The following AGT variants were observed in gnomAD, a reference collection of about 807,000 sequenced individuals.
AGT encodes angiotensinogen, also known as alpha-1 antiproteinase, antitrypsin.
Under a neutral mutation model 28.1 loss-of-function variants are expected in AGT, and 26 were observed. The ratio of observed to expected loss-of-function variants is 0.92; its 90% CI spans 0.68 to 1.28. The LOEUF (loss-of-function observed/expected upper bound fraction) is 1.28. AGT is among the 50% of genes most tolerant of loss of function. The pLI is 0.00. For missense variants in AGT, 596 were observed against 592.3 expected (o/e 1.01, Z -0.06); for synonymous variants, 259 against 259.6 (o/e 1.00, Z 0.02).
At chr1:230,713,212 C>T (rs1329209334) in intron 1 of AGT, among the ~76,000 whole-genome samples, 1 of 152,106 alleles carries the variant, frequency 6.6e-6, no homozygotes, top group Non-Finnish European at 1.5e-5. Flanking sequence ...GAATGTGAGC[C>T]CCGGAACAGG....
intron 1 of AGT, among the ~76,000 whole-genome samples, chr1:230,720,768 CCCATTCTGAGT>C (rs1291312613): frequency 6.6e-6 from 1 of 152,046 alleles, no homozygotes; most frequent in Non-Finnish European, 1.5e-5. Flanking sequence ...ACACATACTC[CCCATTCTGAGT>C]CCATAAAAAG....
intron 1 of AGT, among the ~76,000 whole-genome samples, chr1:230,734,855 G>A (rs1027725846): frequency 1.8e-4 from 28 of 152,014 alleles, no homozygotes; most frequent in East Asian, 1.2e-3. Flanking sequence ...GACTACAGGC[G>A]CCTGCCACCA....
chr1:230,716,361 T>C (rs556770919), upstream of AGT, among the ~76,000 whole-genome samples: 1 of 152,218 alleles, frequency 6.6e-6, no homozygotes, highest in Non-Finnish European at 1.5e-5. Flanking sequence ...TATGTGTACA[T>C]TCCATCAGTG....
upstream of AGT, among the ~76,000 whole-genome samples, chr1:230,717,315 G>T (rs1199846420): frequency 6.6e-6 from 1 of 151,972 alleles, no homozygotes; most frequent in Non-Finnish European, 1.5e-5. Flanking sequence ...TCTGAGATGA[G>T]ACTTGGTCTA....
At position 230,705,937 on chromosome 1, in the gene AGT, G is replaced by T. The variant is rs777921457; in HGVS notation, c.1093C>A (p.Pro365Thr). The part of the protein sequence containing the change: ...NSLNWMKKLS[P>T]RTIHLTMPQL... ...GGGAGACCGGGAGGCTCCTACCGGG[G>T]AGATAGTTTCTTCATCCAGTTGAGG... The change falls in exon 3 of 5, where the codon CCC (proline) becomes ACC (threonine). Residue 365 changes from proline (P) to threonine (T), a missense_variant. Coordinates refer to ENST00000366667, the MANE Select transcript of AGT (RefSeq NM_001384479.1). 1.2e-6 allele frequency: 2 copies of T among 1,613,978 alleles called. No homozygotes were observed. Among genetic ancestry groups the T allele is most frequent in the East Asian group, 4.5e-5 (2 of 44,884 alleles).
intron 1 of AGT, among the ~76,000 whole-genome samples, chr1:230,736,147 T>A (rs73102670): frequency 0.07 from 10,684 of 151,736 alleles, 544 homozygotes; most frequent in East Asian, 0.14. Flanking sequence ...TGAAACACAT[T>A]TATGTTTAAG....
intron 1 of AGT, among the ~76,000 whole-genome samples, chr1:230,726,327 T>C (rs1200288988): frequency 6.6e-6 from 1 of 152,142 alleles, no homozygotes; most frequent in African/African-American, 2.4e-5. Flanking sequence ...CTCAGTTAGT[T>C]AGGGAGCCAA....
intron 1 of AGT, among the ~76,000 whole-genome samples, chr1:230,734,186 A>G (rs1171097683): frequency 6.6e-6 from 1 of 152,218 alleles, no homozygotes; most frequent in African/African-American, 2.4e-5. Context: ...TGACATATCC[A>G]TACGATGGAA....
intron 1 of AGT, among the ~76,000 whole-genome samples, chr1:230,737,191 C>T (rs890897940): frequency 6.6e-6 from 1 of 152,156 alleles, no homozygotes; most frequent in Non-Finnish European, 1.5e-5. Flanking sequence ...TACCTCTCTG[C>T]CTAGTTTATA....
At chr1:230,734,177 G>C (rs1427801250) in intron 1 of AGT, among the ~76,000 whole-genome samples, 4 of 152,132 alleles carry the variant, frequency 2.6e-5, no homozygotes, top group Non-Finnish European at 4.4e-5. Flanking sequence ...GACAAAATAT[G>C]ACATATCCAT....
chr1:230,742,390 A>G (rs1367394248), intron 1 of AGT, among the ~76,000 whole-genome samples: 1 of 152,176 alleles, frequency 6.6e-6, no homozygotes, highest in Non-Finnish European at 1.5e-5. Flanking sequence ...ATCTCGGCTC[A>G]CTGCAACCTC....
intron 1 of AGT, among the ~76,000 whole-genome samples, chr1:230,723,426 T>G (rs1663883051): frequency 2.0e-5 from 3 of 152,366 alleles, no homozygotes; most frequent in Middle Eastern, 3.4e-3. Flanking sequence ...AATTCAATTC[T>G]ATTAAGCACA....
chr1:230,718,234 C>T (rs1351537309), upstream of AGT, among the ~76,000 whole-genome samples: 1 of 152,132 alleles, frequency 6.6e-6, no homozygotes, highest in African/African-American at 2.4e-5. Context: ...CATAAGCCAC[C>T]ATTCTCAGCC....
At position 230,710,203 on chromosome 1, in the gene AGT, G is replaced by A; in HGVS notation, c.621C>T (p.Gly207=). The part of the protein sequence containing the change: ...STVVGVFTAP[G]LHLKQPFVQG... ...GCACAAACGGCTGCTTCAGGTGCAG[G>A]CCTGGGGCTGTGAACACGCCCACCA... The change falls in exon 2 of 5, where the codon GGC becomes GGT. Residue 207 remains glycine, a synonymous_variant. Transcript: ENST00000366667. 3 of 1,613,734 alleles carry A rather than the reference G, an allele frequency of 1.9e-6. No homozygotes were observed. Among genetic ancestry groups the A allele is most frequent in the Non-Finnish European group, 2.5e-6 (3 of 1,179,976 alleles).
Position 230,710,742 on chromosome 1 carries a change from A to T in AGT, c.82T>A (p.Tyr28Asn). ...ATGACGAGGTGGAAGGGGTGTATGT[A>T]CACCCGGTCACCTGCAGCCAGGCCA... is the stretch of plus-strand genomic sequence containing the variant. ...WAGLAAGDRV[Y>N]IHPFHLVIHN... The change falls in exon 2 of 5, where the codon TAC becomes AAC. Residue 28 changes from tyrosine (Y) to asparagine (N), a missense_variant. Coordinates refer to ENST00000366667, the MANE Select transcript of AGT (RefSeq NM_001384479.1). 6.2e-7 allele frequency: 1 copy of T among 1,614,186 alleles called. No homozygotes were observed. Among genetic ancestry groups the T allele is most frequent in the Non-Finnish European group, 8.5e-7 (1 of 1,180,012 alleles).
chr1:230,742,251 T>C (rs1023078106), intron 1 of AGT, among the ~76,000 whole-genome samples: 2 of 152,148 alleles, frequency 1.3e-5, no homozygotes, highest in African/African-American at 2.4e-5. Context: ...TAAATAAATA[T>C]TTTTTGCCTT....
chr1:230,739,168 G>A (rs939906332), intron 1 of AGT, among the ~76,000 whole-genome samples: 8 of 151,154 alleles, frequency 5.3e-5, no homozygotes, highest in Non-Finnish European at 5.9e-5. Context: ...GACCAGTGTG[G>A]GCAACATACT....
At chr1:230,716,964 TAA>T (rs1663749932), upstream of AGT, among the ~76,000 whole-genome samples, 1 of 151,454 alleles carries the variant, frequency 6.6e-6, no homozygotes, top group Admixed American at 6.6e-5. Context: ...AGGGAAGACA[TAA>T]GAGACTCCAT....
intron 2 of AGT, among the ~76,000 whole-genome samples, chr1:230,706,606 AGT>A (rs1461721109): frequency 2.6e-5 from 4 of 152,176 alleles, no homozygotes; most frequent in Non-Finnish European, 1.5e-5. Context: ...TATTTTTTAG[AGT>A]GACTTTAGGT....
Sources: gnomAD v4.1 joint callset for allele counts (sites outside exome capture counted in the v4.1 genomes callset) on GRCh38, gnomAD v4.1.1 for gene constraint, MANE v1.5 for transcripts, NCBI Gene and HGNC (gene_info 2026-07-23, HGNC 2026-07-21) for gene names.